GABRB1: variants seen among roughly 807,000 people sequenced by gnomAD.
The protein encoded by GABRB1 is gamma-aminobutyric acid receptor subunit beta-1.
A neutral mutation model predicts 51.6 loss-of-function variants in GABRB1; 17 were observed. That is an observed-to-expected ratio of 0.33 (90% confidence interval 0.23 to 0.49). The LOEUF (loss-of-function observed/expected upper bound fraction) is 0.49. Ranked by LOEUF, GABRB1 falls within the 20% of genes least tolerant of loss-of-function variation. GABRB1 has a pLI of 0.99. For missense variants in GABRB1, 410 were observed against 600.6 expected (o/e 0.68, Z 3.32); for synonymous variants, 247 against 218.9 (o/e 1.13, Z -1.14).
chr4:47,338,295 C>G lies in GABRB1; in HGVS notation c.544+18086C>G, dbSNP rs140351629. ...CTGATTCTTTCATCTTGCAAGTGTTCATTGTGCACATGCCTTTTCTGACAC... is the reference window on the plus strand; with the variant it reads ...CTGATTCTTTCATCTTGCAAGTGTTGATTGTGCACATGCCTTTTCTGACAC... On this transcript the variant is annotated intron_variant, in intron 5 of 8. Transcript: ENST00000295454. 8.1e-3 allele frequency among the ~76,000 whole-genome samples: 1,228 copies of G among 152,274 alleles called. 7 individuals carry two copies. The highest frequency in any genetic ancestry group is 0.014 in the Admixed American group (218 of 15,294).
intron 4 of GABRB1, among the ~76,000 whole-genome samples, chr4:47,248,035 C>T (rs779692867): frequency 2.4e-4 from 36 of 152,030 alleles, no homozygotes; most frequent in Non-Finnish European, 4.4e-4. Context: ...CTGGCTAGGA[C>T]TTCCAGTGCT....
intron 5 of GABRB1, among the ~76,000 whole-genome samples, chr4:47,359,315 T>C (rs777869007): frequency 6.6e-6 from 1 of 152,160 alleles, no homozygotes; most frequent in African/African-American, 2.4e-5. Context: ...TCTGAAGATT[T>C]GTTATTCAGT....
chr4:47,219,048 G>T (rs1187730050), intron 4 of GABRB1, among the ~76,000 whole-genome samples: 1 of 151,674 alleles, frequency 6.6e-6, no homozygotes, highest in Non-Finnish European at 1.5e-5. Context: ...GAGATGTATG[G>T]TCTCTGGAAA....
At chr4:47,176,866 A>G (rs1718726248) in intron 4 of GABRB1, among the ~76,000 whole-genome samples, 1 of 152,218 alleles carries the variant, frequency 6.6e-6, no homozygotes, top group South Asian at 2.1e-4. Context: ...GGTAACATAT[A>G]ATCATCACAA....
At chr4:47,065,406 C>G (rs2109535374) in intron 3 of GABRB1, among the ~76,000 whole-genome samples, 1 of 152,248 alleles carries the variant, frequency 6.6e-6, no homozygotes, top group East Asian at 1.9e-4. Context: ...TGTGCAATTT[C>G]TCAGTTCTCT....
chr4:47,333,683 C>T (rs1725586502), intron 5 of GABRB1, among the ~76,000 whole-genome samples: 1 of 152,120 alleles, frequency 6.6e-6, no homozygotes, highest in South Asian at 2.1e-4. Context: ...CCATTGCACT[C>T]TAGCCTGGGC....
chr4:47,264,219 T>TC (rs1722560651), intron 4 of GABRB1, among the ~76,000 whole-genome samples: 2 of 152,238 alleles, frequency 1.3e-5, no homozygotes, highest in South Asian at 4.2e-4. Context: ...ATAGAAAGAC[T>TC]TCATAGGAAA....
At chr4:47,194,336 A>G (rs964353069) in intron 4 of GABRB1, among the ~76,000 whole-genome samples, 2 of 152,008 alleles carry the variant, frequency 1.3e-5, no homozygotes, top group Non-Finnish European at 2.9e-5. Flanking sequence ...ACAAGCTTAC[A>G]TTTTTTCATT....
chr4:47,417,773 G>A (rs1728977109), intron 8 of GABRB1, among the ~76,000 whole-genome samples: 1 of 152,220 alleles, frequency 6.6e-6, no homozygotes, highest in Non-Finnish European at 1.5e-5. Flanking sequence ...CTAGCAAGAA[G>A]GAAATAACTC....
intron 1 of GABRB1, among the ~76,000 whole-genome samples, chr4:47,020,570 G>A (rs780296775): frequency 6.6e-6 from 1 of 152,136 alleles, no homozygotes; most frequent in Non-Finnish European, 1.5e-5. Context: ...CATTTACTCA[G>A]CTCGAAGATA....
chr4:47,054,421 A>T (rs1577864645), intron 3 of GABRB1, among the ~76,000 whole-genome samples: 1 of 152,120 alleles, frequency 6.6e-6, no homozygotes. Flanking sequence ...TTTTTCATGT[A>T]ATTAGGGATA....
intron 4 of GABRB1, among the ~76,000 whole-genome samples, chr4:47,277,698 A>G (rs1723140125): frequency 6.6e-6 from 1 of 152,016 alleles, no homozygotes; most frequent in African/African-American, 2.4e-5. Flanking sequence ...GACAAAAAGG[A>G]GAAGAAAAAA....
chr4:47,372,936 C>A (rs1335866056), intron 5 of GABRB1, among the ~76,000 whole-genome samples: 1 of 152,146 alleles, frequency 6.6e-6, no homozygotes, highest in Non-Finnish European at 1.5e-5. Context: ...CACTACATGC[C>A]CTGACCTTGG....
At chr4:47,196,794 G>A (rs1250954974) in intron 4 of GABRB1, among the ~76,000 whole-genome samples, 1 of 152,146 alleles carries the variant, frequency 6.6e-6, no homozygotes, top group African/African-American at 2.4e-5. Flanking sequence ...ATCAGATTAT[G>A]GTATAGTTAG....
At chr4:47,364,485 A>G (rs948845599) in intron 5 of GABRB1, among the ~76,000 whole-genome samples, 10 of 152,072 alleles carry the variant, frequency 6.6e-5, no homozygotes, top group African/African-American at 2.4e-4. Flanking sequence ...GAGGCAAATG[A>G]AAGAATAAAG....
At chr4:47,209,275 A>G (rs1390359107) in intron 4 of GABRB1, among the ~76,000 whole-genome samples, 2 of 152,078 alleles carry the variant, frequency 1.3e-5, no homozygotes, top group Admixed American at 6.6e-5. Context: ...AGCATTCATT[A>G]TTAGATTGTT....
chr4:47,358,213 T>A (rs1400883197), intron 5 of GABRB1, among the ~76,000 whole-genome samples: 1 of 152,074 alleles, frequency 6.6e-6, no homozygotes, highest in East Asian at 1.9e-4. Flanking sequence ...CATTCACGTT[T>A]TAGGATGTAA....
intron 4 of GABRB1, among the ~76,000 whole-genome samples, chr4:47,271,209 C>T (rs1343888123): frequency 6.6e-6 from 1 of 152,026 alleles, no homozygotes; most frequent in Non-Finnish European, 1.5e-5. Context: ...TTTATATATT[C>T]CCTGCTAGTA....
intron 4 of GABRB1, among the ~76,000 whole-genome samples, chr4:47,185,304 G>T (rs1473265955): frequency 6.6e-6 from 1 of 151,716 alleles, no homozygotes; most frequent in Non-Finnish European, 1.5e-5. Flanking sequence ...AAATTCTTCT[G>T]GCTCTCCCAG....
Sources: allele counts gnomAD v4.1 joint callset (sites outside exome capture counted in the v4.1 genomes callset), GRCh38; gene constraint gnomAD v4.1.1; transcripts MANE v1.5; gene names NCBI Gene and HGNC (gene_info 2026-07-23, HGNC 2026-07-21).